The following CTNNA1 variants were observed in gnomAD, a reference collection of about 807,000 sequenced individuals.
The protein encoded by CTNNA1 is catenin alpha-1.
In CTNNA1, 37 loss-of-function variants were observed where a neutral mutation model predicts 98.4. The observed-to-expected ratio is 0.38, with a 90% CI of 0.29 to 0.49. The LOEUF (loss-of-function observed/expected upper bound fraction) is 0.49, where lower values mean the gene tolerates loss of function less well. CTNNA1 is among the 20% of genes least tolerant of loss of function. CTNNA1 has a pLI of 0.95. For synonymous variants in CTNNA1, 404 were observed against 413.2 expected (o/e 0.98, Z 0.27); for missense variants, 761 against 1,147.2 (o/e 0.66, Z 4.86).
Position 138,933,924 on chromosome 5 carries a change from C to G in CTNNA1, c.2556C>G (p.Leu852=). 6.2e-7 allele frequency: 1 copy of G among 1,614,188 alleles called. No individual in the cohort carries two copies. The highest frequency in any genetic ancestry group is 8.5e-7 in the Non-Finnish European group (1 of 1,180,050). The change falls in exon 18 of 18, where the codon CTC becomes CTG. Residue 852 remains leucine, a synonymous_variant. Coordinates refer to ENST00000302763, the MANE Select transcript of CTNNA1 (RefSeq NM_001903.5). Reference sequence around the variant, plus strand: ...AAAAGTCACAGGGTATGGCTTCCCTCAACCTTCCTGCTGTGTCATGGAAGA... The same window carrying G: ...AAAAGTCACAGGGTATGGCTTCCCTGAACCTTCCTGCTGTGTCATGGAAGA... The part of the protein sequence containing the change: ...KYQKSQGMAS[L]NLPAVSWKMK...
intron 1 of CTNNA1, among the ~76,000 whole-genome samples, chr5:138,767,194 C>T (rs552534786): frequency 1.3e-5 from 2 of 152,054 alleles, no homozygotes; most frequent in Non-Finnish European, 2.9e-5. Context: ...CGCCATCACG[C>T]CTGGCTAATT....
chr5:138,872,713 C>T (rs10062763), intron 7 of CTNNA1: 1 of 232,514 alleles, frequency 4.3e-6, no homozygotes, highest in Non-Finnish European at 8.4e-6. Context: ...TATATGGAGA[C>T]CTTAGTGTAA....
intron 7 of CTNNA1, among the ~76,000 whole-genome samples, chr5:138,864,645 AACAAAG>A (rs1436203574): frequency 1.3e-5 from 2 of 152,204 alleles, no homozygotes; most frequent in Non-Finnish European, 2.9e-5. Flanking sequence ...CACAGGAATG[AACAAAG>A]ACAACTTGTG....
chr5:138,778,251 C>T (rs1045939221), intron 1 of CTNNA1, among the ~76,000 whole-genome samples: 1 of 152,096 alleles, frequency 6.6e-6, no homozygotes, highest in African/African-American at 2.4e-5. Context: ...GCCTTGGCCT[C>T]CCAAAGTGCT....
intron 9 of CTNNA1, among the ~76,000 whole-genome samples, chr5:138,900,885 A>C (rs973644392): frequency 1.3e-5 from 2 of 152,208 alleles, no homozygotes; most frequent in African/African-American, 4.8e-5. Context: ...CACAGTAGGC[A>C]CAGATGGTAC....
rs73263462 is a variant in CTNNA1 at position 138,863,182 on chromosome 5, T to G, written c.1063-23030T>G. Among the ~76,000 whole-genome samples the G allele has an allele frequency of 1.3e-3, 205 of 151,990 alleles. 1 individual carries two copies. Among genetic ancestry groups the G allele is most frequent in the African/African-American group, 4.6e-3 (192 of 41,506 alleles). On this transcript the variant is annotated intron_variant, in intron 7 of 17. Coordinates refer to ENST00000302763, the MANE Select transcript of CTNNA1 (RefSeq NM_001903.5). Reference sequence around the variant, plus strand: ...TTTAATGGCTTCTAGAAAGAGACAGTTAAATTTCTGACTTGTTCAGGCTAA... The same window carrying G: ...TTTAATGGCTTCTAGAAAGAGACAGGTAAATTTCTGACTTGTTCAGGCTAA...
At position 138,932,684 on chromosome 5, in the gene CTNNA1, A is replaced by C; in HGVS notation, c.2405A>C (p.Asn802Thr). 6.2e-7 allele frequency: 1 copy of C among 1,614,138 alleles called. No homozygotes were observed. Among genetic ancestry groups the C allele is most frequent in the Non-Finnish European group, 8.5e-7 (1 of 1,180,014 alleles). ...ICSKVKAEVQ[N>T]LGGELVVSGV... ...AGCAAGGTCAAGGCCGAGGTGCAGA[A>C]TCTCGGCGGGGAGCTTGTTGTCTCT... The change falls in exon 17 of 18, where the codon AAT becomes ACT. Residue 802 changes from asparagine (N) to threonine (T), a missense_variant. Asn to Thr is a moderately conservative substitution (Grantham distance 65). Around this residue, in one of 6 missense-constraint regions of CTNNA1, gnomAD observed 12 missense variants for 47.3 expected, o/e 0.25. Coordinates refer to ENST00000302763, the MANE Select transcript of CTNNA1 (RefSeq NM_001903.5).
intron 10 of CTNNA1, among the ~76,000 whole-genome samples, chr5:138,913,585 A>G (rs1761119791): frequency 1.5e-5 from 1 of 65,852 alleles, no homozygotes; most frequent in Non-Finnish European, 3.2e-5. Context: ...CCCTGTCTCA[A>G]AAAAAAAAAA....
At chr5:138,766,706 G>A (rs1281573478) in intron 1 of CTNNA1, among the ~76,000 whole-genome samples, 3 of 152,074 alleles carry the variant, frequency 2.0e-5, no homozygotes, top group African/African-American at 7.2e-5. Flanking sequence ...GCCACAGGGG[G>A]AATGCAGTGG....
At chr5:138,925,859 T>G (rs9327828) in intron 13 of CTNNA1, among the ~76,000 whole-genome samples, 39,370 of 152,064 alleles carry the variant, frequency 0.26, 5,367 homozygotes, top group Middle Eastern at 0.32. Flanking sequence ...CAGGTGATGC[T>G]CCTAGGCTCA....
chr5:138,910,617 G>T (rs1760404290), intron 10 of CTNNA1, among the ~76,000 whole-genome samples: 1 of 151,980 alleles, frequency 6.6e-6, no homozygotes, highest in African/African-American at 2.4e-5. Flanking sequence ...TTCCCTCGAA[G>T]CACTGTTTTA....
At chr5:138,904,245 C>T in intron 9 of CTNNA1, 104 bp from the exon 10 acceptor site, 1 of 1,375,452 alleles carries the variant, frequency 7.3e-7, no homozygotes, top group Non-Finnish European at 9.7e-7. Context: ...CCCTTGGTGC[C>T]CTTGTCATCT....
rs536004984 is a variant in CTNNA1, at chr5:138,767,295, C to G, written c.-3+13785C>G. ...TTGTGATCTGCCCACCTTGGACTCC[C>G]AAAGTGCTGGGATTACAGGCATGAG... is the stretch of plus-strand genomic sequence containing the variant. On this transcript the variant is annotated intron_variant, in intron 1 of 17. Coordinates refer to ENST00000302763, the MANE Select transcript of CTNNA1 (RefSeq NM_001903.5). Among the ~76,000 whole-genome samples the G allele has an allele frequency of 2.0e-5, 3 of 152,324 alleles. No individual in the cohort carries two copies. In the East Asian group the frequency reaches 5.8e-4, roughly 29 times the overall value.
At chr5:138,908,219 G>A (rs1759725124) in intron 10 of CTNNA1, among the ~76,000 whole-genome samples, 1 of 152,152 alleles carries the variant, frequency 6.6e-6, no homozygotes, top group Admixed American at 6.5e-5. Flanking sequence ...GCCTCCCAAA[G>A]TGCTGGGATT....
chr5:138,804,507 C>T (rs1757888552), intron 3 of CTNNA1, among the ~76,000 whole-genome samples: 1 of 152,218 alleles, frequency 6.6e-6, no homozygotes, highest in Admixed American at 6.5e-5. Flanking sequence ...GCATTACCTT[C>T]TGTCTCTATG....
At chr5:138,796,387 AC>A (rs1377348678) in intron 3 of CTNNA1, among the ~76,000 whole-genome samples, 1 of 85,380 alleles carries the variant, frequency 1.2e-5, no homozygotes, top group Non-Finnish European at 2.9e-5. Flanking sequence ...TACTAAAAAT[AC>A]AAAAAATTAG....
At chr5:138,761,631 G>T (rs1442322725) in intron 1 of CTNNA1, among the ~76,000 whole-genome samples, 1 of 152,146 alleles carries the variant, frequency 6.6e-6, no homozygotes, top group Non-Finnish European at 1.5e-5. Flanking sequence ...AAAATTTTGG[G>T]GGTGAGTTTG....
chr5:138,815,981 G>A (rs1759390808), intron 5 of CTNNA1, among the ~76,000 whole-genome samples: 1 of 152,026 alleles, frequency 6.6e-6, no homozygotes, highest in African/African-American at 2.4e-5. Context: ...ATTTCTTTTG[G>A]GCACTGTCCA....
chr5:138,860,496 G>GTTTTGT (rs113854507), intron 7 of CTNNA1, among the ~76,000 whole-genome samples: 1 of 150,122 alleles, frequency 6.7e-6, no homozygotes, highest in African/African-American at 2.5e-5. Flanking sequence ...GGTTTTTTTT[G>GTTTTGT]TTTGTTTTGT....
Sources: gnomAD v4.1 joint callset for allele counts (sites outside exome capture counted in the v4.1 genomes callset) on GRCh38, gnomAD v4.1.1 for gene constraint, gnomAD v4.1.1 regional missense constraint, MANE v1.5 for transcripts, NCBI Gene and HGNC (gene_info 2026-07-23, HGNC 2026-07-21) for gene names.